The following SCUBE1 variants were observed in gnomAD, a reference collection of about 807,000 sequenced individuals.
SCUBE1 encodes signal peptide, CUB and EGF-like domain-containing protein 1.
Under a neutral mutation model 124.4 loss-of-function variants are expected in SCUBE1, and 59 were observed. The ratio of observed to expected loss-of-function variants is 0.47; its 90% CI spans 0.38 to 0.59. The LOEUF is 0.59. Ranked by LOEUF, SCUBE1 falls within the 20% of genes least tolerant of loss-of-function variation. The pLI is 0.00. For missense variants in SCUBE1, 1,150 were observed against 1,371.2 expected (o/e 0.84, Z 2.55); for synonymous variants, 545 against 550.9 (o/e 0.99, Z 0.15).
chr22:43,225,788 C>T (rs1424554844), intron 10 of SCUBE1, among the ~76,000 whole-genome samples: 1 of 151,956 alleles, frequency 6.6e-6, no homozygotes. Context: ...TTTGCGTAAA[C>T]CTGCTCACCA....
intron 19 of SCUBE1, among the ~76,000 whole-genome samples, chr22:43,209,073 G>A (rs577910205): frequency 1.2e-3 from 180 of 152,310 alleles, no homozygotes; most frequent in African/African-American, 4.2e-3. Context: ...TTGCCCATCC[G>A]CACACTGCGG....
In SCUBE1 at chr22:43,211,552, C is replaced by T. The variant is rs1256819328; in HGVS notation, c.2222-469G>A. Among the ~76,000 whole-genome samples, 3 of 150,556 alleles carry T rather than the reference C, an allele frequency of 2.0e-5. No homozygotes were observed. Among genetic ancestry groups the T allele is most frequent in the Admixed American group, 6.6e-5 (1 of 15,144 alleles). ...TTTTTTTTTGAGATGGAGCTCGCTC[C>T]GTCACCCAGGCTGGAGTGCAATGGT... On this transcript the variant is annotated intron_variant, in intron 17 of 21. Coordinates refer to ENST00000360835, the MANE Select transcript of SCUBE1 (RefSeq NM_173050.5). The surrounding 1 kb of genome is among the most constrained non-coding windows in gnomAD (Gnocchi z 4.5).
In SCUBE1 at chr22:43,227,359, A is replaced by C; in HGVS notation, c.1207+15T>G. 6.2e-7 allele frequency: 1 copy of C among 1,605,076 alleles called. No homozygotes were observed. The highest frequency in any genetic ancestry group is 8.5e-7 in the Non-Finnish European group (1 of 1,178,188). On this transcript the variant is annotated intron_variant, in intron 10 of 21. Transcript: ENST00000360835. The stretch of plus-strand genomic sequence containing the variant: ...GGTGCAGGGGAGGGGCCAGCAGCAC[A>C]GGGCGGCCACCTACCCACGCAATCC...
intron 3 of SCUBE1, among the ~76,000 whole-genome samples, chr22:43,316,615 C>T (rs948862426): frequency 2.0e-4 from 30 of 152,196 alleles, no homozygotes; most frequent in African/African-American, 5.5e-4. Flanking sequence ...GCTCCCTGCA[C>T]GCACCAGGAG....
rs1031599684 is a variant in SCUBE1, at chr22:43,290,782, C to A, written c.484+264G>T. On this transcript the variant is annotated intron_variant, in intron 4 of 21. Coordinates refer to ENST00000360835, the MANE Select transcript of SCUBE1 (RefSeq NM_173050.5). ...CCAGCCCCCAACTCAGAAAGGAAAACAGCTCCTCTGGTCACATGTGCTACT... is the reference window on the plus strand; with the variant it reads ...CCAGCCCCCAACTCAGAAAGGAAAAAAGCTCCTCTGGTCACATGTGCTACT... 7.9e-5 allele frequency among the ~76,000 whole-genome samples: 12 copies of A among 152,366 alleles called. No individual in the cohort carries two copies. In the South Asian group the frequency reaches 2.5e-3, roughly 32 times the overall value.
chr22:43,325,661 G>A (rs1926702752), intron 2 of SCUBE1, among the ~76,000 whole-genome samples: 1 of 152,148 alleles, frequency 6.6e-6, no homozygotes, highest in African/African-American at 2.4e-5. Flanking sequence ...CACAGGAGAT[G>A]AGAAGTCCAG....
Position 43,228,636 on chromosome 22 carries a change from G to A in SCUBE1, c.1084+436C>T, listed in dbSNP as rs561625871. On this transcript the variant is annotated intron_variant, in intron 9 of 21. Transcript: ENST00000360835. ...CCTTCTGTCCACTGCTTTCTCATGC[G>A]GATCCCTCTGGAGTGCCTCCCTACC... 5.4e-4 allele frequency among the ~76,000 whole-genome samples: 82 copies of A among 152,208 alleles called. 4 individuals carry two copies. The South Asian group carries it at 0.011, about 21-fold the overall frequency.
chr22:43,307,695 C>G (rs1191953282), intron 3 of SCUBE1, among the ~76,000 whole-genome samples: 2 of 152,180 alleles, frequency 1.3e-5, no homozygotes, highest in Admixed American at 6.5e-5. Flanking sequence ...TGTGGCCAGT[C>G]TTGTCTCCCG....
rs1293426146 is a variant in SCUBE1, at chr22:43,296,816, T to C, written c.350-5636A>G. ...GCTGGGAGGAAGAGAAGGTGGAACCTTGGTGGGCCGTGCCACAGGGGCCTT... is the reference window on the plus strand; with the variant it reads ...GCTGGGAGGAAGAGAAGGTGGAACCCTGGTGGGCCGTGCCACAGGGGCCTT... On this transcript the variant is annotated intron_variant, in intron 3 of 21. Transcript: ENST00000360835. 3.9e-5 allele frequency among the ~76,000 whole-genome samples: 6 copies of C among 152,240 alleles called. No homozygotes were observed. The East Asian group carries it at 1.2e-3, about 29-fold the overall frequency.
chr22:43,220,644 T>C lies in SCUBE1; in HGVS notation c.1550-57A>G. 3 of 1,587,156 alleles carry C rather than the reference T, an allele frequency of 1.9e-6. No individual in the cohort carries two copies. The South Asian group carries it at 3.4e-5, about 18-fold the overall frequency. On this transcript the variant is annotated intron_variant, in intron 13 of 21. Transcript: ENST00000360835. Reference sequence around the variant, plus strand: ...CGGCATGGGGCAGGGAGCAAGGTCCTACCAAGCCCTGCATACAGAGTGCCA... The same window carrying C: ...CGGCATGGGGCAGGGAGCAAGGTCCCACCAAGCCCTGCATACAGAGTGCCA...
intron 3 of SCUBE1, among the ~76,000 whole-genome samples, chr22:43,304,007 G>C (rs2269670): frequency 6.6e-6 from 1 of 152,066 alleles, no homozygotes; most frequent in African/African-American, 2.4e-5. Flanking sequence ...CCATGCCCTC[G>C]TGCAGTTGTT....
rs1026059592 is a variant in SCUBE1 at position 43,234,932 on chromosome 22, A to G, written c.845-3057T>C. Among the ~76,000 whole-genome samples the G allele has an allele frequency of 2.6e-5, 4 of 152,064 alleles. No homozygotes were observed. Among genetic ancestry groups the G allele is most frequent in the Admixed American group, 2.6e-4 (4 of 15,286 alleles). On this transcript the variant is annotated intron_variant, in intron 7 of 21. Transcript: ENST00000360835. The surrounding 1 kb of genome is among the most constrained non-coding windows in gnomAD (Gnocchi z 4.4). ...TCCAGTGACCGCACCCAGTACAGCCACAGCCCCCCTCTCACCTGCTGACCC... is the reference window on the plus strand; with the variant it reads ...TCCAGTGACCGCACCCAGTACAGCCGCAGCCCCCCTCTCACCTGCTGACCC...
intron 2 of SCUBE1, among the ~76,000 whole-genome samples, chr22:43,325,095 T>C (rs1474705055): frequency 6.6e-6 from 1 of 151,008 alleles, no homozygotes; most frequent in Non-Finnish European, 1.5e-5. Flanking sequence ...AAGGCAGAGA[T>C]TGGAGTGAGG....
chr22:43,273,959 T>C (rs1037426838), intron 4 of SCUBE1, among the ~76,000 whole-genome samples: 27 of 152,194 alleles, frequency 1.8e-4, no homozygotes, highest in Admixed American at 1.2e-3. Flanking sequence ...GGGGGTGCTC[T>C]GTAAGGCTGG....
rs143475938 is a variant in SCUBE1 at position 43,277,423 on chromosome 22, C to T, written c.484+13623G>A. Among the ~76,000 whole-genome samples, 13 of 152,282 alleles carry T rather than the reference C, an allele frequency of 8.5e-5. 1 individual carries two copies. In the East Asian group the frequency reaches 2.5e-3, roughly 29 times the overall value. ...GAGGCAGCTGCCGCACTAACTCAGG[C>T]AAAAGACGGCAGCGCAGCCCTAGGC... is the stretch of plus-strand genomic sequence containing the variant. On this transcript the variant is annotated intron_variant, in intron 4 of 21. Transcript: ENST00000360835.
intron 4 of SCUBE1, among the ~76,000 whole-genome samples, chr22:43,287,633 G>C (rs770434831): frequency 3.3e-5 from 5 of 152,240 alleles, no homozygotes; most frequent in Non-Finnish European, 1.5e-5. Context: ...ACCAGCCTGT[G>C]TGCTTTTCTC....
At chr22:43,317,422 CCT>C (rs1569028285) in intron 3 of SCUBE1, among the ~76,000 whole-genome samples, 1 of 152,172 alleles carries the variant, frequency 6.6e-6, no homozygotes, top group South Asian at 2.1e-4. Context: ...CTGAGAGTCC[CCT>C]GTGCCGAGCC....
chr22:43,221,045 G>A (rs1922069711), intron 13 of SCUBE1, 128 bp downstream of exon 13: 1 of 645,582 alleles, frequency 1.5e-6, no homozygotes, highest in East Asian at 2.7e-5. Flanking sequence ...TCAATAAACA[G>A]CTGCCAGGTG....
At chr22:43,301,621 A>T (rs1169426688) in intron 3 of SCUBE1, among the ~76,000 whole-genome samples, 1 of 152,146 alleles carries the variant, frequency 6.6e-6, no homozygotes, top group Admixed American at 6.5e-5. Context: ...CAGACAGGCC[A>T]TTCTGCAACG....
Sources: allele counts gnomAD v4.1 joint callset (sites outside exome capture counted in the v4.1 genomes callset), GRCh38; gene constraint gnomAD v4.1.1; non-coding constraint Gnocchi (gnomAD v3.1); transcripts MANE v1.5; gene names NCBI Gene and HGNC (gene_info 2026-07-23, HGNC 2026-07-21).